PRUNE2: variants seen among roughly 807,000 people sequenced by gnomAD.
The protein encoded by PRUNE2 is protein prune homolog 2.
PRUNE2 carries 164 observed loss-of-function variants against 252.0 expected under a neutral mutation model. The ratio of observed to expected loss-of-function variants is 0.65; its 90% confidence interval spans 0.57 to 0.74. The LOEUF (loss-of-function observed/expected upper bound fraction) is 0.74. PRUNE2 is among the 30% of genes least tolerant of loss of function. PRUNE2 has a pLI of 0.00. For missense variants in PRUNE2, 3,495 were observed against 3,711.0 expected (o/e 0.94, Z 1.51); for synonymous variants, 1,292 against 1,350.2 (o/e 0.96, Z 0.94).
intron 1 of PRUNE2, chr9:76,863,092 A>T (rs1343574352): frequency 3.3e-5 from 5 of 152,216 alleles, no homozygotes; most frequent in Non-Finnish European, 7.4e-5. Flanking sequence ...TTAGAGATTA[A>T]ATTTATAATT....
At chr9:76,901,050 C>T (rs539859083) in intron 1 of PRUNE2, among the ~76,000 whole-genome samples, 1 of 152,290 alleles carries the variant, frequency 6.6e-6, no homozygotes, top group East Asian at 1.9e-4. Flanking sequence ...CCTCCAAGAC[C>T]CAAGGTGCTG....
Position 76,791,300 on chromosome 9 carries a change from T to C in PRUNE2, c.756+32332A>G, listed in dbSNP as rs1488357991. Among the ~76,000 whole-genome samples, 28 of 105,340 alleles carry C rather than the reference T, an allele frequency of 2.7e-4. 1 individual carries two copies. The South Asian group carries it at 0.011, about 41-fold the overall frequency. The allele number at this position is 105,340 out of a possible 152,430, so 69.1% of individuals were successfully genotyped here. On this transcript the variant is annotated intron_variant, in intron 6 of 18. Transcript: ENST00000376718. ...CCAATTATCATTGGTACAATAATACTGCACCAATTATCATTGGTACAATAA... is the reference window on the plus strand; with the variant it reads ...CCAATTATCATTGGTACAATAATACCGCACCAATTATCATTGGTACAATAA...
At chr9:76,618,765 T>C (rs928880480) in intron 18 of PRUNE2, among the ~76,000 whole-genome samples, 1 of 152,226 alleles carries the variant, frequency 6.6e-6, no homozygotes, top group Admixed American at 6.5e-5. Flanking sequence ...CTGTGAAATG[T>C]ACCTCATAAA....
intron 3 of PRUNE2, among the ~76,000 whole-genome samples, chr9:76,849,825 C>CA (rs199890595): frequency 0.019 from 2,620 of 136,334 alleles, 80 homozygotes; most frequent in African/African-American, 0.072. Flanking sequence ...GACTCTGTCT[C>CA]AAAAAAACAA....
chr9:76,869,323 T>C (rs2061049576), intron 1 of PRUNE2: 2 of 152,116 alleles, frequency 1.3e-5, no homozygotes, highest in South Asian at 2.1e-4. Flanking sequence ...CACAGGGAAA[T>C]GTGCGAGGGA....
At chr9:76,735,711 T>C (rs2049017257) in intron 6 of PRUNE2, among the ~76,000 whole-genome samples, 1 of 152,206 alleles carries the variant, frequency 6.6e-6, no homozygotes, top group Non-Finnish European at 1.5e-5. Context: ...TAAAATTTTA[T>C]GTCTATAGAA....
intron 6 of PRUNE2, among the ~76,000 whole-genome samples, chr9:76,757,898 G>A (rs1158101999): frequency 6.6e-6 from 1 of 152,182 alleles, no homozygotes; most frequent in East Asian, 1.9e-4. Context: ...GATCCCGAAA[G>A]TCTTAGTGCA....
chr9:76,731,827 C>T (rs1164670523), intron 6 of PRUNE2, among the ~76,000 whole-genome samples: 1 of 152,114 alleles, frequency 6.6e-6, no homozygotes, highest in Non-Finnish European at 1.5e-5. Flanking sequence ...TGTGAACAAA[C>T]TCATGTATTA....
Position 76,711,152 on chromosome 9 carries a change from G to T in PRUNE2, c.1122C>A (p.Gly374=), listed in dbSNP as rs772733369. ...SRTSSTEAVA[G]SAPLSQGSSG... The stretch of plus-strand genomic sequence containing the variant: ...AAGACCCCTGGGAGAGGGGGGCACT[G>T]CCTGCCACGGCTTCTGTTGAGGATG... The change falls in exon 8 of 19, where the codon GGC becomes GGA. Residue 374 remains glycine (G), a synonymous_variant. Coordinates refer to ENST00000376718, the MANE Select transcript of PRUNE2 (RefSeq NM_015225.3). The T allele has an allele frequency of 1.2e-6, 2 of 1,613,948 alleles. No homozygotes were observed. The highest frequency in any genetic ancestry group is 2.7e-5 in the African/African-American group (2 of 75,058).
At chr9:76,734,358 T>C (rs1408172694) in intron 6 of PRUNE2, among the ~76,000 whole-genome samples, 1 of 152,142 alleles carries the variant, frequency 6.6e-6, no homozygotes, top group African/African-American at 2.4e-5. Flanking sequence ...TCATCGAACC[T>C]ACAGGAAAAA....
At chr9:76,891,323 A>T (rs2062460216) in intron 1 of PRUNE2, among the ~76,000 whole-genome samples, 1 of 152,234 alleles carries the variant, frequency 6.6e-6, no homozygotes, top group Non-Finnish European at 1.5e-5. Context: ...CACATTACAG[A>T]GAACTCTCAG....
chr9:76,850,149 G>A (rs1258824328), intron 3 of PRUNE2, among the ~76,000 whole-genome samples: 2 of 151,936 alleles, frequency 1.3e-5, no homozygotes, highest in African/African-American at 4.8e-5. Flanking sequence ...CCCGGGTTCA[G>A]GCAATTCTCG....
Position 76,708,499 on chromosome 9 carries a change from C to T in PRUNE2, c.3775G>A (p.Val1259Ile). 6.2e-7 allele frequency: 1 copy of T among 1,613,942 alleles called. No individual in the cohort carries two copies. Among genetic ancestry groups the T allele is most frequent in the South Asian group, 1.1e-5 (1 of 91,084 alleles). ...GCATCTGGGGAATGAGTGTCTTTAA[C>T]ATTTGCTGAATGGCTGGGGATTTCA... ...PPEIPSHSAN[V>I]KDTHSPDAPA... The change falls in exon 8 of 19, where the codon GTT becomes ATT. Residue 1259 changes from valine to isoleucine, a missense_variant. Coordinates refer to ENST00000376718, the MANE Select transcript of PRUNE2 (RefSeq NM_015225.3).
rs747441303 is a variant in PRUNE2 at position 76,709,701 on chromosome 9, T to C, written c.2573A>G (p.Asn858Ser). The change falls in exon 8 of 19, where the codon AAT (asparagine) becomes AGT (serine). Residue 858 changes from asparagine to serine, a missense_variant. By Grantham distance (46) the Asn-to-Ser change is conservative. Transcript: ENST00000376718. ...LLDNSPSEIN[N>S]EAAPEIWGKK... ...GCCCCAGATTTCTGGAGCTGCTTCA[T>C]TGTTTATCTCACTGGGTGAATTGTC... 3.7e-6 allele frequency: 6 copies of C among 1,614,020 alleles called. No individual in the cohort carries two copies. Among genetic ancestry groups the C allele is most frequent in the East Asian group, 4.5e-5 (2 of 44,878 alleles).
chr9:76,716,021 C>A (rs1192006584), intron 6 of PRUNE2, among the ~76,000 whole-genome samples: 4 of 147,736 alleles, frequency 2.7e-5, no homozygotes, highest in Non-Finnish European at 6.0e-5. Context: ...CATTTATAAA[C>A]CCTTGAAAGA....
intron 6 of PRUNE2, chr9:76,808,974 A>T (rs114188012): frequency 2.0e-5 from 3 of 152,344 alleles, no homozygotes; most frequent in East Asian, 3.9e-4. Flanking sequence ...TTAACTCAAC[A>T]TCAATAACCA....
intron 1 of PRUNE2, among the ~76,000 whole-genome samples, chr9:76,865,567 A>G (rs1270133659): frequency 6.6e-6 from 1 of 152,194 alleles, no homozygotes; most frequent in Admixed American, 6.5e-5. Flanking sequence ...CACACAGGAG[A>G]TGCTCCAATC....
At chr9:76,719,895 C>T (rs1057463248) in intron 6 of PRUNE2, among the ~76,000 whole-genome samples, 1 of 152,286 alleles carries the variant, frequency 6.6e-6, no homozygotes, top group East Asian at 1.9e-4. Context: ...GATCCTCCCA[C>T]CTTGGCCTCT....
intron 12 of PRUNE2, chr9:76,642,104 CA>C (rs978095019): frequency 8.0e-4 from 598 of 742,876 alleles, no homozygotes; most frequent in South Asian, 1.0e-3. Flanking sequence ...GCTCCAAGTT[CA>C]AAAAAAAAGC....
Sources: gnomAD v4.1 joint callset for allele counts (sites outside exome capture counted in the v4.1 genomes callset) on GRCh38, gnomAD v4.1.1 for gene constraint, MANE v1.5 for transcripts, NCBI Gene and HGNC (gene_info 2026-07-23, HGNC 2026-07-21) for gene names.